POM121C: variants seen among roughly 807,000 people sequenced by gnomAD.
POM121C encodes POM121 transmembrane nucleoporin C.
Under a neutral mutation model 66.4 loss-of-function variants are expected in POM121C, and 20 were observed. The ratio of observed to expected loss-of-function variants is 0.30; its 90% CI spans 0.21 to 0.44. POM121C has a LOEUF of 0.44. Among genes scored for constraint, POM121C ranks in the 20% least tolerant of loss-of-function variants. The pLI, the probability that POM121C is intolerant of heterozygous loss-of-function variation, is 1.00. For missense variants in POM121C, 580 were observed against 1,225.7 expected (o/e 0.47, Z 7.87); for synonymous variants, 286 against 528.0 (o/e 0.54, Z 6.28).
rs781851263 is a variant in POM121C at position 75,437,615 on chromosome 7, G to C, written c.380C>G (p.Ser127Cys). ...AGCGCCTGTCAAGGAGCTCATGGAA[G>C]AGCTTCGGGATCTCTTATTCAAGTG... ...DDHLNKRSRS[S>C]SMSSLTGAYT... The change falls in exon 7 of 15, where the codon TCT becomes TGT. Residue 127 changes from serine to cysteine, a missense_variant. Physicochemically the swap from Ser to Cys is moderately radical, Grantham distance 112. Coordinates refer to ENST00000615331, the MANE Select transcript of POM121C (RefSeq NM_001099415.3). 3 of 1,613,984 alleles carry C rather than the reference G, an allele frequency of 1.9e-6. No individual in the cohort carries two copies. The highest frequency in any genetic ancestry group is 2.2e-5 in the South Asian group (2 of 91,074).
intron 3 of POM121C, among the ~76,000 whole-genome samples, chr7:75,472,163 G>C (rs1415224568): frequency 2.0e-5 from 3 of 151,744 alleles, no homozygotes; most frequent in African/African-American, 7.3e-5. Context: ...TGGGATTACA[G>C]GCATGAGCCA....
At chr7:75,444,328 A>G in intron 3 of POM121C, among the ~76,000 whole-genome samples, 1 of 147,566 alleles carries the variant, frequency 6.8e-6, no homozygotes, top group African/African-American at 2.4e-5. Flanking sequence ...CTAGTGGGAC[A>G]AAAGCCAGGC....
intron 1 of POM121C, among the ~76,000 whole-genome samples, chr7:75,480,459 C>T (rs1335055495): frequency 1.3e-5 from 2 of 151,900 alleles, no homozygotes; most frequent in African/African-American, 4.8e-5. Flanking sequence ...GGATATAGTA[C>T]ACCTGAACAA....
intron 3 of POM121C, among the ~76,000 whole-genome samples, chr7:75,450,379 A>C (rs1325305564): frequency 6.6e-6 from 1 of 152,182 alleles, no homozygotes; most frequent in Non-Finnish European, 1.5e-5. Context: ...GCTGGGGAGA[A>C]TTCCTCTAGG....
chr7:75,482,341 T>C (rs782350549), intron 1 of POM121C, among the ~76,000 whole-genome samples: 64 of 152,194 alleles, frequency 4.2e-4, no homozygotes, highest in Non-Finnish European at 7.9e-4. Flanking sequence ...TTTGGGAGGC[T>C]AAAGTGAAAG....
At chr7:75,483,130 T>C (rs1190076512) in intron 1 of POM121C, among the ~76,000 whole-genome samples, 3 of 152,132 alleles carry the variant, frequency 2.0e-5, no homozygotes, top group African/African-American at 7.2e-5. Flanking sequence ...TGGATCACGA[T>C]ATTTCCGTCC....
rs781974790 is a variant in POM121C at position 75,421,621 on chromosome 7, G to A, written c.2631C>T (p.Thr877=). 1 of 1,613,564 alleles carries A rather than the reference G, an allele frequency of 6.2e-7. No individual in the cohort carries two copies. Among genetic ancestry groups the A allele is most frequent in the South Asian group, 1.1e-5 (1 of 91,042 alleles). Residue 877 remains threonine (T), a synonymous_variant, in exon 13 of 15, where the codon ACC becomes ACT. Coordinates refer to ENST00000615331, the MANE Select transcript of POM121C (RefSeq NM_001099415.3). ...FGAGQSGSTA[T]STPFTGGLGQ... The stretch of plus-strand genomic sequence containing the variant: ...CTAAGCCCCCTGTGAAGGGGGTGGA[G>A]GTGGCTGTGCTCCCACTCTGTCCTG...
chr7:75,439,883 A>T (rs1421419878), intron 5 of POM121C, among the ~76,000 whole-genome samples: 3 of 138,730 alleles, frequency 2.2e-5, no homozygotes, highest in African/African-American at 5.3e-5. Context: ...CACATAAGGA[A>T]TTTTTTTTTT....
chr7:75,418,502 A>G lies in POM121C; in HGVS notation c.*294T>C. On this transcript the variant is annotated 3_prime_UTR_variant, in exon 15 of 15. Coordinates refer to ENST00000615331, the MANE Select transcript of POM121C (RefSeq NM_001099415.3). ...CCTGCCTAAGGGTGCGCTAAGCGGG[A>G]GTCAGGGCAGCGGACACTATGTACA... 1 of 1,152,762 alleles carries G rather than the reference A, an allele frequency of 8.7e-7. No homozygotes were observed. The highest frequency in any genetic ancestry group is 1.1e-6 in the Non-Finnish European group (1 of 937,122). 71.4% of individuals were successfully genotyped at this position (1,152,762 alleles called of 1,614,324 possible).
In POM121C at chr7:75,477,048, C is replaced by T. The variant is rs1253466469; in HGVS notation, c.-457-1860G>A. Among the ~76,000 whole-genome samples the T allele has an allele frequency of 3.3e-5, 5 of 151,184 alleles. No individual in the cohort carries two copies. In the East Asian group the frequency reaches 5.8e-4, roughly 18 times the overall value. On this transcript the variant is annotated intron_variant, in intron 1 of 14. Transcript: ENST00000615331. The stretch of plus-strand genomic sequence containing the variant: ...TATTACACCCTAATATGCCATAGTA[C>T]GTATGATATGTGACATATGTATTTC...
intron 3 of POM121C, among the ~76,000 whole-genome samples, chr7:75,459,237 C>T (rs1310873311): frequency 1.3e-5 from 2 of 152,122 alleles, no homozygotes; most frequent in Non-Finnish European, 2.9e-5. Flanking sequence ...AATGAGACAA[C>T]AGCAAAAGCT....
chr7:75,416,914 G>A lies in POM121C; in HGVS notation c.*1882C>T, dbSNP rs1456484393. The A allele has an allele frequency of 2.7e-5, 38 of 1,428,608 alleles. No homozygotes were observed. The East Asian group carries it at 4.0e-4, about 15-fold the overall frequency. The allele number at this position is 1,428,608 out of a possible 1,614,324, so 88.5% of individuals were successfully genotyped here. ...TTGTAATGGAAAGTCCCAGCCTCCC[G>A]CTGCCGTCCAGTGTGTGTACTGTAC... On this transcript the variant is annotated 3_prime_UTR_variant, in exon 15 of 15. Coordinates refer to ENST00000615331, the MANE Select transcript of POM121C (RefSeq NM_001099415.3).
At chr7:75,442,731 G>C (rs782053804) in intron 3 of POM121C, 4 of 1,352,852 alleles carry the variant, frequency 3.0e-6, no homozygotes, top group East Asian at 6.2e-5. Context: ...GCGGCTCCGC[G>C]CCGCGGAGGA....
rs1371324251 is a variant in POM121C at position 75,475,632 on chromosome 7, G to A, written c.-457-444C>T. On this transcript the variant is annotated intron_variant, in intron 1 of 14. Coordinates refer to ENST00000615331, the MANE Select transcript of POM121C (RefSeq NM_001099415.3). ...CTTCTTCTTCCTAACTCACTGCTCTGGGGCTCTCACCTAGTTTCAGCTCCT... is the reference window on the plus strand; with the variant it reads ...CTTCTTCTTCCTAACTCACTGCTCTAGGGCTCTCACCTAGTTTCAGCTCCT... 1.3e-5 allele frequency among the ~76,000 whole-genome samples: 2 copies of A among 151,302 alleles called. 1 individual carries two copies. Among genetic ancestry groups the A allele is most frequent in the Non-Finnish European group, 2.9e-5 (2 of 67,806 alleles).
intron 3 of POM121C, among the ~76,000 whole-genome samples, chr7:75,461,585 TTG>T (rs1425520051): frequency 2.0e-5 from 3 of 152,056 alleles, no homozygotes; most frequent in Non-Finnish European, 4.4e-5. Flanking sequence ...TGGCTAATTT[TTG>T]TGTTTTTCAG....
At position 75,442,401 on chromosome 7, in the gene POM121C, G is replaced by A. The variant is rs1554474189; in HGVS notation, c.-151-754C>T. On this transcript the variant is annotated intron_variant, in intron 3 of 14. Transcript: ENST00000615331. Reference sequence around the variant, plus strand: ...CCTTCGAGCAGGGTCCGCGGCTCTAGGAGGTTTCCGTTGGCTGTCGACTTG... The same window carrying A: ...CCTTCGAGCAGGGTCCGCGGCTCTAAGAGGTTTCCGTTGGCTGTCGACTTG... 3 of 1,445,256 alleles carry A rather than the reference G, an allele frequency of 2.1e-6. No individual in the cohort carries two copies. In the East Asian group the frequency reaches 8.1e-5, roughly 39 times the overall value. The allele number at this position is 1,445,256 out of a possible 1,614,324, so 89.5% of individuals were successfully genotyped here.
chr7:75,476,498 G>C (rs1792082248), intron 1 of POM121C, among the ~76,000 whole-genome samples: 1 of 152,098 alleles, frequency 6.6e-6, no homozygotes, highest in African/African-American at 2.4e-5. Context: ...CAGTGATACA[G>C]CTAGGACCAT....
At chr7:75,468,126 TAAAAAAAA>T (rs368723160) in intron 3 of POM121C, among the ~76,000 whole-genome samples, 6,795 of 64,304 alleles carry the variant, frequency 0.11, 702 homozygotes, top group African/African-American at 0.25. Flanking sequence ...AGACTCTGTC[TAAAAAAAA>T]AAAAAAAAAA....
In POM121C at chr7:75,419,472, G is replaced by A. The variant is rs782160557; in HGVS notation, c.2744-30C>T. Reference sequence around the variant, plus strand: ...AATGAAGAGAACAGAGAGCTAGCCAGTGAGCAGAGGGCGGAGGCAGGCGAG... The same window carrying A: ...AATGAAGAGAACAGAGAGCTAGCCAATGAGCAGAGGGCGGAGGCAGGCGAG... On this transcript the variant is annotated intron_variant, in intron 13 of 14. Coordinates refer to ENST00000615331, the MANE Select transcript of POM121C (RefSeq NM_001099415.3). 33 of 1,610,136 alleles carry A rather than the reference G, an allele frequency of 2.0e-5. No individual in the cohort carries two copies. In the Admixed American group the frequency reaches 5.1e-4, roughly 25 times the overall value.
Sources: gnomAD v4.1 joint callset for allele counts (sites outside exome capture counted in the v4.1 genomes callset) on GRCh38, gnomAD v4.1.1 for gene constraint, MANE v1.5 for transcripts, NCBI Gene and HGNC (gene_info 2026-07-23, HGNC 2026-07-21) for gene names.